Variants in PHC2 observed in about 807,000 individuals in gnomAD.
The protein encoded by PHC2 is polyhomeotic homolog 2, also known as polyhomeotic-like protein 2.
PHC2 carries 29 observed loss-of-function variants against 87.4 expected under a neutral mutation model. The observed-to-expected ratio is 0.33, with a 90% CI of 0.25 to 0.45. The LOEUF is 0.45. Among genes scored for constraint, PHC2 ranks in the 20% least tolerant of loss-of-function variants. The probability of loss-of-function intolerance (pLI) is 1.00; values close to 1 mark genes in which losing one functional copy is unlikely to be tolerated. For missense variants in PHC2, 857 were observed against 1,136.7 expected (o/e 0.75, Z 3.54); for synonymous variants, 438 against 461.7 (o/e 0.95, Z 0.66).
chr1:33,400,268 GT>G (rs1649468176), intron 1 of PHC2, among the ~76,000 whole-genome samples: 1 of 152,190 alleles, frequency 6.6e-6, no homozygotes, highest in Non-Finnish European at 1.5e-5. Context: ...CAACAATTCT[GT>G]TTATAGGAGT....
chr1:33,402,933 C>T (rs4652876), intron 1 of PHC2, among the ~76,000 whole-genome samples: 31,594 of 151,544 alleles, frequency 0.21, 3,337 homozygotes, highest in South Asian at 0.25. Context: ...CTCAGCCTCC[C>T]AAGTATCTGG....
rs571803248 is a variant in PHC2 at position 33,387,436 on chromosome 1, T to C, written c.-54-11843A>G. On this transcript the variant is annotated intron_variant, in intron 1 of 14. Coordinates refer to ENST00000683057, the MANE Select transcript of PHC2 (RefSeq NM_001385109.1). ...TATTCTAAAGAGAGACTGCCAGGGA[T>C]AGATGGGGTGTCTCCCATCACAAGG... is the stretch of plus-strand genomic sequence containing the variant. Among the ~76,000 whole-genome samples the C allele has an allele frequency of 1.1e-4, 16 of 152,298 alleles. No individual in the cohort carries two copies. The South Asian group carries it at 3.3e-3, about 32-fold the overall frequency.
intron 1 of PHC2, among the ~76,000 whole-genome samples, chr1:33,408,604 G>A (rs921467319): frequency 6.6e-6 from 1 of 152,102 alleles, no homozygotes; most frequent in Non-Finnish European, 1.5e-5. Context: ...GGGACTACAG[G>A]CATGTGCCAC....
At chr1:33,388,848 A>G (rs913736317) in intron 1 of PHC2, among the ~76,000 whole-genome samples, 1 of 152,116 alleles carries the variant, frequency 6.6e-6, no homozygotes, top group African/African-American at 2.4e-5. Context: ...TCATAAAACT[A>G]TGAAGTGGCA....
intron 1 of PHC2, among the ~76,000 whole-genome samples, chr1:33,406,749 G>A (rs1340540065): frequency 6.6e-6 from 1 of 152,062 alleles, no homozygotes; most frequent in African/African-American, 2.4e-5. Context: ...TTTTCCTTCT[G>A]CCTGGGTCTA....
At chr1:33,347,245 G>C (rs571810759) in intron 9 of PHC2, 1 of 985,404 alleles carries the variant, frequency 1.0e-6, no homozygotes, top group African/African-American at 1.7e-5. Context: ...GACAGAGCAG[G>C]TATGTCAGGG....
intron 1 of PHC2, among the ~76,000 whole-genome samples, chr1:33,390,966 T>C (rs753341482): frequency 2.0e-5 from 3 of 152,146 alleles, no homozygotes; most frequent in Non-Finnish European, 4.4e-5. Flanking sequence ...ACAGGTTCGA[T>C]TGGGACTTCG....
At position 33,419,755 on chromosome 1, in the gene PHC2, G is replaced by A. The variant is rs375518649; in HGVS notation, c.-55+11221C>T. ...CTCCCGAGTAGCTGGGACTATAGGC[G>A]CCCGCTACCACGCCCGGCTAATTTT... On this transcript the variant is annotated intron_variant, in intron 1 of 14. Transcript: ENST00000683057. 1.2e-4 allele frequency among the ~76,000 whole-genome samples: 18 copies of A among 152,130 alleles called. No individual in the cohort carries two copies. The South Asian group carries it at 3.3e-3, about 28-fold the overall frequency.
rs958263853 is a variant in PHC2 at position 33,382,594 on chromosome 1, G to T, written c.-54-7001C>A. Among the ~76,000 whole-genome samples the T allele has an allele frequency of 6.6e-6, 1 of 152,116 alleles. No individual in the cohort carries two copies. Among genetic ancestry groups the T allele is most frequent in the Non-Finnish European group, 1.5e-5 (1 of 68,018 alleles). On this transcript the variant is annotated intron_variant, in intron 1 of 14. Coordinates refer to ENST00000683057, the MANE Select transcript of PHC2 (RefSeq NM_001385109.1). The surrounding 1 kb of genome is among the most constrained non-coding windows in gnomAD (Gnocchi z 4.3). Reference sequence around the variant, plus strand: ...TCCTACTCACTGTGTGGTTTTGTATGAGCCCGGGCTCTGAAGGGCTATGAT... The same window carrying T: ...TCCTACTCACTGTGTGGTTTTGTATTAGCCCGGGCTCTGAAGGGCTATGAT...
At chr1:33,391,228 A>G (rs1649038899) in intron 1 of PHC2, among the ~76,000 whole-genome samples, 1 of 152,226 alleles carries the variant, frequency 6.6e-6, no homozygotes, top group African/African-American at 2.4e-5. Context: ...TTTGAGAACC[A>G]CTGTCTTGGA....
rs183489266 is a variant in PHC2, at chr1:33,380,635, G to A, written c.-54-5042C>T. ...TGGCTATTGTGAATAATGTTGCAAT[G>A]GAATGAACACGGCATATAAGTCCTT... On this transcript the variant is annotated intron_variant, in intron 1 of 14. Transcript: ENST00000683057. Among the ~76,000 whole-genome samples the A allele has an allele frequency of 2.6e-3, 403 of 152,328 alleles. 2 individuals carry two copies. The highest frequency in any genetic ancestry group is 9.0e-3 in the African/African-American group (376 of 41,566).
At chr1:33,384,841 C>T (rs1420970723) in intron 1 of PHC2, among the ~76,000 whole-genome samples, 2 of 152,154 alleles carry the variant, frequency 1.3e-5, no homozygotes, top group Non-Finnish European at 2.9e-5. Context: ...TAATGCCTAA[C>T]ATGGTGCCGA....
At chr1:33,325,146 C>T (rs1176619409) in intron 14 of PHC2, 127 bp from the exon 15 acceptor site, 5 of 945,758 alleles carry the variant, frequency 5.3e-6, no homozygotes, top group South Asian at 3.7e-5. Context: ...CATAACCACG[C>T]CTTGAGGAAG....
At chr1:33,370,666 C>G (rs372809514) in intron 4 of PHC2, 81 bp from the exon 5 acceptor site, 353 of 1,364,224 alleles carry the variant, frequency 2.6e-4, no homozygotes, top group Middle Eastern at 7.3e-4. Flanking sequence ...CTTTCTCCCC[C>G]CTCTTTTGCT....
intron 9 of PHC2, among the ~76,000 whole-genome samples, chr1:33,339,433 G>A (rs1646701144): frequency 6.6e-6 from 1 of 152,126 alleles, no homozygotes; most frequent in Non-Finnish European, 1.5e-5. Flanking sequence ...ACCTGATTAT[G>A]AAGAATAAGA....
At chr1:33,351,689 A>AG (rs1390771882) in intron 9 of PHC2, among the ~76,000 whole-genome samples, 4 of 152,258 alleles carry the variant, frequency 2.6e-5, no homozygotes, top group African/African-American at 9.6e-5. Context: ...GCAGTGGCTC[A>AG]CACCTGTAAT....
intron 9 of PHC2, chr1:33,350,563 C>CA (rs1395311360): frequency 1.3e-5 from 2 of 152,322 alleles, no homozygotes; most frequent in Admixed American, 1.3e-4. Context: ...TGCAGCGTGA[C>CA]ACAGTCCCCA....
At chr1:33,365,172 GT>G in intron 7 of PHC2, among the ~76,000 whole-genome samples, 1 of 152,316 alleles carries the variant, frequency 6.6e-6, no homozygotes, top group African/African-American at 2.4e-5. Flanking sequence ...CTGAGCTTCA[GT>G]TTGCTCATCT....
At position 33,349,824 on chromosome 1, in the gene PHC2, AGCGCGGGCGGCGGCCGGGGTTGCGCGC is replaced by A. The variant is rs1646928355; in HGVS notation, c.1558+4550_1558+4576del. 2.1e-6 allele frequency: 2 copies of A among 973,144 alleles called. No homozygotes were observed. Among genetic ancestry groups the A allele is most frequent in the Non-Finnish European group, 2.4e-6 (2 of 822,924 alleles). 60.3% of individuals were successfully genotyped at this position (973,144 alleles called of 1,614,324 possible). A position where few individuals can be genotyped will look rare whatever the true frequency, so the allele number is the denominator to read the frequency against. On this transcript the variant is annotated intron_variant, in intron 9 of 14. Coordinates refer to ENST00000683057, the MANE Select transcript of PHC2 (RefSeq NM_001385109.1). The surrounding 1 kb of genome is among the most constrained non-coding windows in gnomAD (Gnocchi z 4.2). ...GACGGGGGCGCGAGGCCGGGGCGGG[AGCGCGGGCGGCGGCCGGGGTTGCGCGC>A]GCGCGCGCGGCGGGCGCTCGAGGGC... is the stretch of plus-strand genomic sequence containing the variant.
Sources: allele counts gnomAD v4.1 joint callset (sites outside exome capture counted in the v4.1 genomes callset), GRCh38; gene constraint gnomAD v4.1.1; non-coding constraint Gnocchi (gnomAD v3.1); transcripts MANE v1.5; gene names NCBI Gene and HGNC (gene_info 2026-07-23, HGNC 2026-07-21).